Variants in EPHA7 observed in about 807,000 individuals in gnomAD.
EPHA7 encodes ephrin type-A receptor 7.
EPHA7 carries 25 observed loss-of-function variants against 112.6 expected under a neutral mutation model. The ratio of observed to expected loss-of-function variants is 0.22; its 90% CI spans 0.16 to 0.31. EPHA7 has a LOEUF of 0.31. EPHA7 is among the 10% of genes least tolerant of loss of function. EPHA7 has a pLI of 1.00. For synonymous variants in EPHA7, 437 were observed against 406.5 expected (o/e 1.07, Z -0.90); for missense variants, 962 against 1,212.6 (o/e 0.79, Z 3.07).
intron 3 of EPHA7, among the ~76,000 whole-genome samples, chr6:93,401,376 C>T (rs927361387): frequency 1.3e-5 from 2 of 152,020 alleles, no homozygotes; most frequent in African/African-American, 4.8e-5. Context: ...TAACTCTTAA[C>T]AAAATCACAG....
In EPHA7 at chr6:93,255,862, A is replaced by G. The variant is rs1178526425; in HGVS notation, c.2348T>C (p.Ile783Thr). Residue 783 changes from isoleucine (I) to threonine (T), a missense_variant, in exon 13 of 17, where the codon ATA becomes ACA. Transcript: ENST00000369303. ...ATAGACAGCTTCTGGATCATCCTCT[A>G]TAACTCGGGACAGGCCAAAATCTGA... ...KVSDFGLSRV[I>T]EDDPEAVYTT... 6.2e-6 allele frequency: 10 copies of G among 1,614,052 alleles called. No homozygotes were observed. Among genetic ancestry groups the G allele is most frequent in the African/African-American group, 2.7e-5 (2 of 75,040 alleles).
At chr6:93,419,150 G>A in intron 1 of EPHA7, 95 bp downstream of exon 1, 1 of 1,022,522 alleles carries the variant, frequency 9.8e-7, no homozygotes, top group Non-Finnish European at 1.3e-6. Context: ...CCCGGCGCCG[G>A]AGGCGCGGCC....
intron 5 of EPHA7, among the ~76,000 whole-genome samples, chr6:93,311,335 C>T (rs1255562366): frequency 6.6e-6 from 1 of 151,928 alleles, no homozygotes; most frequent in Non-Finnish European, 1.5e-5. Flanking sequence ...CTTGCCACTG[C>T]TTTATCAGCT....
intron 2 of EPHA7, among the ~76,000 whole-genome samples, chr6:93,411,415 A>G (rs577195425): frequency 6.6e-6 from 1 of 152,168 alleles, no homozygotes; most frequent in African/African-American, 2.4e-5. Flanking sequence ...TCTTTCTGTG[A>G]GTATATTAGT....
At chr6:93,347,819 T>C (rs556218371) in intron 5 of EPHA7, among the ~76,000 whole-genome samples, 12 of 151,900 alleles carry the variant, frequency 7.9e-5, no homozygotes, top group South Asian at 6.2e-4. Flanking sequence ...GGCTTCAGCA[T>C]AGGAATTTTG....
chr6:93,342,445 T>A (rs1486443808), intron 5 of EPHA7, among the ~76,000 whole-genome samples: 1 of 151,816 alleles, frequency 6.6e-6, no homozygotes. Flanking sequence ...GCTCATACTA[T>A]AATGGAGATT....
intron 5 of EPHA7, among the ~76,000 whole-genome samples, chr6:93,297,214 C>T (rs1772718720): frequency 6.6e-6 from 1 of 152,014 alleles, no homozygotes; most frequent in South Asian, 2.1e-4. Context: ...TCACAGAAGG[C>T]ATTTTCATTA....
intron 3 of EPHA7, chr6:93,409,665 T>A (rs545897842): frequency 6.6e-6 from 1 of 151,856 alleles, no homozygotes; most frequent in African/African-American, 2.4e-5. Flanking sequence ...AACATAACTT[T>A]ATAATTTATT....
intron 5 of EPHA7, among the ~76,000 whole-genome samples, chr6:93,282,085 A>G (rs1771771637): frequency 6.6e-6 from 1 of 152,142 alleles, no homozygotes; most frequent in African/African-American, 2.4e-5. Flanking sequence ...TCATGTACAT[A>G]ATAATACTCT....
chr6:93,288,099 A>C (rs1000854072), intron 5 of EPHA7, among the ~76,000 whole-genome samples: 6 of 152,210 alleles, frequency 3.9e-5, no homozygotes, highest in Non-Finnish European at 7.3e-5. Context: ...CAAGAAATGA[A>C]AACACAGGTC....
intron 14 of EPHA7, among the ~76,000 whole-genome samples, chr6:93,248,990 T>G (rs1303302900): frequency 6.6e-6 from 1 of 152,214 alleles, no homozygotes; most frequent in Non-Finnish European, 1.5e-5. Flanking sequence ...ATCTCATAGT[T>G]AAGTCTTTAC....
At chr6:93,387,677 G>C (rs1777681182) in intron 3 of EPHA7, among the ~76,000 whole-genome samples, 1 of 152,070 alleles carries the variant, frequency 6.6e-6, no homozygotes, top group East Asian at 1.9e-4. Context: ...TATGATCATG[G>C]AGGAAGGGGA....
chr6:93,283,704 G>A (rs1771899871), intron 5 of EPHA7, among the ~76,000 whole-genome samples: 1 of 152,098 alleles, frequency 6.6e-6, no homozygotes, highest in Admixed American at 6.5e-5. Flanking sequence ...AATATCAGAA[G>A]AAACAAACTC....
intron 3 of EPHA7, among the ~76,000 whole-genome samples, chr6:93,391,882 A>T (rs542373373): frequency 2.1e-4 from 31 of 148,958 alleles, no homozygotes; most frequent in African/African-American, 6.9e-4. Flanking sequence ...TTATGAGATT[A>T]AAAAAAAAAC....
At chr6:93,380,414 A>G (rs1179567554) in intron 3 of EPHA7, among the ~76,000 whole-genome samples, 1 of 152,270 alleles carries the variant, frequency 6.6e-6, no homozygotes, top group East Asian at 1.9e-4. Context: ...TTTATAAAGA[A>G]CAAGAGGTAT....
intron 5 of EPHA7, among the ~76,000 whole-genome samples, chr6:93,311,018 C>T (rs1454381895): frequency 6.6e-6 from 1 of 151,310 alleles, no homozygotes. Context: ...GGTGTGATCA[C>T]AGCTCACTGC....
chr6:93,258,047 A>G, intron 11 of EPHA7, 52 bp downstream of exon 11: 1 of 1,499,092 alleles, frequency 6.7e-7, no homozygotes, highest in Admixed American at 1.8e-5. Context: ...TAATAATACT[A>G]ATTTCTGACA....
intron 5 of EPHA7, among the ~76,000 whole-genome samples, chr6:93,302,741 A>G (rs1380072967): frequency 2.6e-5 from 4 of 152,120 alleles, no homozygotes; most frequent in Non-Finnish European, 1.5e-5. Flanking sequence ...CTTTCACTGG[A>G]GAGGGAAAAG....
At position 93,357,055 on chromosome 6, in the gene EPHA7, T is replaced by C. The variant is rs780680077; in HGVS notation, c.989-3A>G. On this transcript the variant is annotated splice_polypyrimidine_tract_variant and splice_region_variant and intron_variant, in intron 4 of 16. Transcript: ENST00000369303. ...GTTCTGTGGTGCAGATGGAGGCCCTTGGGAAACCAAGAATAAATAAGTAAA... is the reference window on the plus strand; with the variant it reads ...GTTCTGTGGTGCAGATGGAGGCCCTCGGGAAACCAAGAATAAATAAGTAAA... The C allele has an allele frequency of 8.8e-6, 14 of 1,588,018 alleles. No individual in the cohort carries two copies. In the South Asian group the frequency reaches 1.5e-4, roughly 17 times the overall value.
Sources: gnomAD v4.1 joint callset for allele counts (sites outside exome capture counted in the v4.1 genomes callset) on GRCh38, gnomAD v4.1.1 for gene constraint, MANE v1.5 for transcripts, NCBI Gene and HGNC (gene_info 2026-07-23, HGNC 2026-07-21) for gene names.